The following AEBP2 variants were observed in gnomAD, a reference collection of about 807,000 sequenced individuals.
AEBP2 encodes AE binding protein 2.
In AEBP2, 10 loss-of-function variants were observed where a neutral mutation model predicts 50.8. The observed-to-expected ratio is 0.20, with a 90% CI of 0.12 to 0.33. The LOEUF (loss-of-function observed/expected upper bound fraction) is 0.33. Ranked by LOEUF, AEBP2 falls within the 10% of genes least tolerant of loss-of-function variation. AEBP2 has a pLI of 1.00. For synonymous variants in AEBP2, 296 were observed against 261.3 expected, an observed-to-expected ratio of 1.13 and a Z score of -1.28; for missense variants, 570 against 688.0, an observed-to-expected ratio of 0.83 and a Z score of 1.92.
rs1044303598 is a variant in AEBP2 at position 19,520,072 on chromosome 12, T to G, written c.*1955T>G. 1.3e-5 allele frequency: 2 copies of G among 152,624 alleles called. No homozygotes were observed. The highest frequency in any genetic ancestry group is 1.9e-4 in the East Asian group (1 of 5,200). 9.5% of individuals were successfully genotyped at this position (152,624 alleles called of 1,614,324 possible). Reference sequence around the variant, plus strand: ...CTTTTGTTCTTTTTAAAATTTGATTTGTTATAAAATTGCCAAATAGAAGTG... The same window carrying G: ...CTTTTGTTCTTTTTAAAATTTGATTGGTTATAAAATTGCCAAATAGAAGTG... On this transcript the variant is annotated 3_prime_UTR_variant, in exon 8 of 8. Transcript: ENST00000266508.
chr12:19,498,902 T>C (rs1949025048), intron 4 of AEBP2, among the ~76,000 whole-genome samples: 1 of 152,102 alleles, frequency 6.6e-6, no homozygotes, highest in Non-Finnish European at 1.5e-5. Flanking sequence ...TCCTAGCTAC[T>C]CAAGAGGCTG....
At chr12:19,438,886 A>G (rs1241147508), upstream of AEBP2, among the ~76,000 whole-genome samples, 2 of 152,250 alleles carry the variant, frequency 1.3e-5, no homozygotes, top group South Asian at 2.1e-4. Flanking sequence ...GTATTTAAAC[A>G]ATGCGACAGA....
intron 3 of AEBP2, among the ~76,000 whole-genome samples, chr12:19,491,044 C>G (rs758163925): frequency 4.6e-5 from 7 of 152,064 alleles, no homozygotes; most frequent in Non-Finnish European, 1.0e-4. Flanking sequence ...GTTACAATAA[C>G]CATATTTAAA....
rs77954557 is a variant in AEBP2 at position 19,419,471 on chromosome 12, C to A, written c.-17+15255C>A. On this transcript the variant is annotated intron_variant, in intron 1 of 3. Transcript: ENST00000538425. Reference sequence around the variant, plus strand: ...AGGCGTAGTGGCACGTGCCTATAGTCCTAGCTACTCAGGAGGCTGAGGCAG... The same window carrying A: ...AGGCGTAGTGGCACGTGCCTATAGTACTAGCTACTCAGGAGGCTGAGGCAG... Among the ~76,000 whole-genome samples, 806 of 152,120 alleles carry A rather than the reference C, an allele frequency of 5.3e-3. 6 individuals carry two copies. Among genetic ancestry groups the A allele is most frequent in the African/African-American group, 0.015 (631 of 41,494 alleles).
chr12:19,505,416 A>G (rs1949142180), intron 5 of AEBP2, among the ~76,000 whole-genome samples: 1 of 152,254 alleles, frequency 6.6e-6, no homozygotes, highest in Non-Finnish European at 1.5e-5. Flanking sequence ...AAAACAGATT[A>G]AAACCAACCA....
intron 1 of AEBP2, among the ~76,000 whole-genome samples, chr12:19,411,827 C>G (rs2095739361): frequency 6.6e-6 from 1 of 152,208 alleles, no homozygotes; most frequent in South Asian, 2.1e-4. Flanking sequence ...GACTCGTTTA[C>G]TCCTCATAAT....
chr12:19,439,731 T>A lies in AEBP2; in HGVS notation c.32T>A (p.Leu11Gln). 1 of 1,515,508 alleles carries A rather than the reference T, an allele frequency of 6.6e-7. No homozygotes were observed. Among genetic ancestry groups the A allele is most frequent in the Non-Finnish European group, 8.8e-7 (1 of 1,139,046 alleles). The allele number at this position is 1,515,508 out of a possible 1,614,324, so 93.9% of individuals were successfully genotyped here. MAAAITDMADLEELSRLSPLP... is the reference protein window; with the variant it reads MAAAITDMADQEELSRLSPLP... ...GCCGCTATCACCGACATGGCCGACC[T>A]GGAGGAGCTCTCCCGCCTGAGCCCT... Residue 11 changes from leucine to glutamine, a missense_variant, in exon 1 of 8, where the codon CTG (leucine) becomes CAG (glutamine). Physicochemically the swap from Leu to Gln is moderately radical, Grantham distance 113. This residue lies in a region of AEBP2 where 386 missense variants were observed against 336.8 expected (regional missense o/e 1.15). Coordinates refer to ENST00000266508, the MANE Select transcript of AEBP2 (RefSeq NM_153207.5).
chr12:19,423,727 G>A (rs980887746), intron 1 of AEBP2, among the ~76,000 whole-genome samples: 1 of 152,282 alleles, frequency 6.6e-6, no homozygotes, highest in Admixed American at 6.5e-5. Context: ...TGTAATCCCA[G>A]CTACTCAGGA....
intron 1 of AEBP2, chr12:19,440,601 C>T: frequency 4.1e-6 from 6 of 1,473,710 alleles, no homozygotes; most frequent in Non-Finnish European, 5.4e-6. Context: ...TCCCCGCCCT[C>T]TTTCCCCTCG....
At chr12:19,415,677 A>AATACAATACG (rs2095742168) in intron 1 of AEBP2, among the ~76,000 whole-genome samples, 1 of 149,638 alleles carries the variant, frequency 6.7e-6, no homozygotes, top group Admixed American at 6.7e-5. Context: ...AATACAATAC[A>AATACAATACG]ATACAATACA....
chr12:19,457,210 G>A, intron 1 of AEBP2: 1 of 1,598,248 alleles, frequency 6.3e-7, no homozygotes, highest in Non-Finnish European at 8.5e-7. Context: ...CACACCCAGT[G>A]TGTAAGCCAA....
intron 3 of AEBP2, among the ~76,000 whole-genome samples, chr12:19,488,629 C>A (rs932706818): frequency 2.0e-5 from 3 of 151,956 alleles, no homozygotes; most frequent in African/African-American, 7.3e-5. Context: ...TCTGATAGCC[C>A]CTTGTTGATC....
At chr12:19,413,390 C>A in intron 1 of AEBP2, 1 of 1,040,638 alleles carries the variant, frequency 9.6e-7, no homozygotes, top group Non-Finnish European at 1.5e-6. Context: ...AGCCAACAAA[C>A]AGAAAAGACA....
At chr12:19,482,443 A>G (rs1382987103) in intron 3 of AEBP2, among the ~76,000 whole-genome samples, 2 of 152,202 alleles carry the variant, frequency 1.3e-5, no homozygotes, top group African/African-American at 4.8e-5. Flanking sequence ...GTTGGCCAGG[A>G]TGTCGCAGGC....
At chr12:19,497,328 G>GTTTTTTTTTTTTT (rs34011915) in intron 4 of AEBP2, among the ~76,000 whole-genome samples, 14 of 78,716 alleles carry the variant, frequency 1.8e-4, no homozygotes, top group Non-Finnish European at 2.4e-4. Context: ...TTCCAAAGGT[G>GTTTTTTTTTTTTT]TTTTTTTTTT....
chr12:19,469,609 G>A (rs554342521), intron 2 of AEBP2, among the ~76,000 whole-genome samples: 25 of 152,224 alleles, frequency 1.6e-4, no homozygotes, highest in East Asian at 1.2e-3. Flanking sequence ...GCATCACCAC[G>A]TCTGGCTAAT....
intron 3 of AEBP2, among the ~76,000 whole-genome samples, chr12:19,488,527 C>G (rs1221479357): frequency 6.6e-6 from 1 of 152,072 alleles, no homozygotes; most frequent in African/African-American, 2.4e-5. Flanking sequence ...GTGTATTTGT[C>G]GAAACCAAGA....
intron 3 of AEBP2, among the ~76,000 whole-genome samples, chr12:19,482,380 A>G (rs930536230): frequency 2.0e-5 from 3 of 152,168 alleles, no homozygotes; most frequent in Non-Finnish European, 4.4e-5. Context: ...GCTTTCTTGA[A>G]TACTGGTTAT....
rs10643072 is a variant in AEBP2, at chr12:19,468,126, T to TTGTGTGTGTGTGTGTGTGTGTGTGTG, written c.880-5116_880-5091dup. Reference sequence around the variant, plus strand: ...ATCCATCCAACCCCTCTGCCTGACTTTGTGTGTGTGTGTGTGTGTGTGTGT... The same window carrying TTGTGTGTGTGTGTGTGTGTGTGTGTG: ...ATCCATCCAACCCCTCTGCCTGACTTTGTGTGTGTGTGTGTGTGTGTGTGTGTGTGTGTGTGTGTGTGTGTGTGTGT... On this transcript the variant is annotated intron_variant, in intron 2 of 7. Transcript: ENST00000266508. 1.4e-3 allele frequency among the ~76,000 whole-genome samples: 208 copies of TTGTGTGTGTGTGTGTGTGTGTGTGTG among 144,054 alleles called. 2 individuals carry two copies. The highest frequency in any genetic ancestry group is 2.0e-3 in the Non-Finnish European group (131 of 66,110). The allele number at this position is 144,054 out of a possible 152,430, so 94.5% of individuals were successfully genotyped here. A position where few individuals can be genotyped will look rare whatever the true frequency, so the allele number is the denominator to read the frequency against.
Sources: gnomAD v4.1 joint callset for allele counts (sites outside exome capture counted in the v4.1 genomes callset) on GRCh38, gnomAD v4.1.1 for gene constraint, gnomAD v4.1.1 regional missense constraint, MANE v1.5 for transcripts, NCBI Gene and HGNC (gene_info 2026-07-23, HGNC 2026-07-21) for gene names.